The following NCKAP5 variants were observed in gnomAD, a reference collection of about 807,000 sequenced individuals.
NCKAP5 encodes nck-associated protein 5.
NCKAP5 carries 92 observed loss-of-function variants against 167.0 expected under a neutral mutation model. That is an observed-to-expected ratio of 0.55 (90% CI 0.47 to 0.66). NCKAP5 has a LOEUF of 0.66. NCKAP5 is among the 30% of genes least tolerant of loss of function. NCKAP5 has a pLI of 0.00. For synonymous variants in NCKAP5, 891 were observed against 877.4 expected (o/e 1.02, Z -0.27); for missense variants, 2,378 against 2,315.0 (o/e 1.03, Z -0.56).
intron 6 of NCKAP5, among the ~76,000 whole-genome samples, chr2:133,081,117 T>A (rs2080789630): frequency 6.6e-6 from 1 of 152,126 alleles, no homozygotes; most frequent in Non-Finnish European, 1.5e-5. Context: ...GTATCCATGA[T>A]CTGTGTATTT....
intron 6 of NCKAP5, among the ~76,000 whole-genome samples, chr2:133,032,912 C>T (rs1241014944): frequency 1.3e-5 from 2 of 152,088 alleles, no homozygotes; most frequent in Non-Finnish European, 2.9e-5. Context: ...AAGTGCTACA[C>T]GTTTTTAAAC....
chr2:132,862,436 G>C (rs1452480502), intron 10 of NCKAP5, among the ~76,000 whole-genome samples: 1 of 152,188 alleles, frequency 6.6e-6, no homozygotes, highest in African/African-American at 2.4e-5. Context: ...GTCATGTTCA[G>C]AATGACGTGC....
At chr2:132,974,895 G>A (rs1160225056) in intron 7 of NCKAP5, among the ~76,000 whole-genome samples, 8 of 152,212 alleles carry the variant, frequency 5.3e-5, no homozygotes, top group Admixed American at 4.6e-4. Context: ...CATAATAGGA[G>A]CTAAATGGAA....
intron 2 of NCKAP5, among the ~76,000 whole-genome samples, chr2:133,534,275 A>G (rs1401189935): frequency 2.0e-5 from 3 of 152,196 alleles, no homozygotes. Flanking sequence ...GATCAATATC[A>G]CAATTTTAAA....
At chr2:132,986,627 A>G (rs1429079414) in intron 7 of NCKAP5, among the ~76,000 whole-genome samples, 2 of 152,244 alleles carry the variant, frequency 1.3e-5, no homozygotes, top group Non-Finnish European at 2.9e-5. Flanking sequence ...TTTGGCAAAT[A>G]TACATTTTAT....
At chr2:133,487,229 A>G (rs1680988580) in intron 3 of NCKAP5, among the ~76,000 whole-genome samples, 4 of 152,194 alleles carry the variant, frequency 2.6e-5, no homozygotes, top group Admixed American at 2.0e-4. Context: ...TATAGACACA[A>G]TGGAGGGAAA....
chr2:133,612,044 A>C, the NCKAP5 span, among the ~76,000 whole-genome samples: 1 of 152,312 alleles, frequency 6.6e-6, no homozygotes, highest in East Asian at 1.9e-4. Context: ...CAAGTGAAAG[A>C]GTATAGTTGC....
intron 6 of NCKAP5, among the ~76,000 whole-genome samples, chr2:133,068,649 C>T (rs1464644581): frequency 6.6e-6 from 1 of 152,150 alleles, no homozygotes; most frequent in African/African-American, 2.4e-5. Context: ...GAAAATCATT[C>T]ACTGAGGCAT....
chr2:133,011,361 C>T (rs1207045998), intron 6 of NCKAP5, among the ~76,000 whole-genome samples: 2 of 152,222 alleles, frequency 1.3e-5, no homozygotes, highest in African/African-American at 2.4e-5. Context: ...TTCCAGTTAT[C>T]ACTGCCTCCC....
chr2:133,647,713 AAAGGAAGGAAGG>A, the NCKAP5 span, among the ~76,000 whole-genome samples: 8 of 85,712 alleles, frequency 9.3e-5, no homozygotes, highest in African/African-American at 1.9e-4. Context: ...AAAGAAAAAG[AAAGGAAGGAAGG>A]AAGGAAGGAA....
At chr2:133,315,354 C>T (rs62180009) in intron 3 of NCKAP5, among the ~76,000 whole-genome samples, 5 of 152,014 alleles carry the variant, frequency 3.3e-5, no homozygotes, top group Admixed American at 6.5e-5. Context: ...AAATAAAAAT[C>T]GAAGATAATA....
At chr2:133,065,201 G>C (rs1381181780) in intron 6 of NCKAP5, among the ~76,000 whole-genome samples, 1 of 152,010 alleles carries the variant, frequency 6.6e-6, no homozygotes, top group Non-Finnish European at 1.5e-5. Flanking sequence ...CTTTGAATAA[G>C]GAATACTTCC....
intron 4 of NCKAP5, among the ~76,000 whole-genome samples, chr2:133,278,089 C>G (rs894268653): frequency 3.9e-5 from 6 of 152,104 alleles, no homozygotes; most frequent in African/African-American, 1.2e-4. Flanking sequence ...GAATGGTTAC[C>G]TGACAATGAC....
At chr2:132,915,130 A>G (rs1030069085) in intron 8 of NCKAP5, among the ~76,000 whole-genome samples, 3 of 152,070 alleles carry the variant, frequency 2.0e-5, no homozygotes, top group Non-Finnish European at 2.9e-5. Flanking sequence ...CAGACATGTG[A>G]TGAACCTAAG....
chr2:132,878,748 A>C, intron 9 of NCKAP5, 100 bp downstream of exon 9: 4 of 868,752 alleles, frequency 4.6e-6, no homozygotes, highest in Non-Finnish European at 7.8e-6. Flanking sequence ...GAAAATGCTG[A>C]TGTTTTGTGG....
intron 3 of NCKAP5, among the ~76,000 whole-genome samples, chr2:133,426,131 G>T (rs968146224): frequency 1.5e-4 from 23 of 151,912 alleles, no homozygotes; most frequent in African/African-American, 2.4e-4. Flanking sequence ...TTAGCTGGAC[G>T]TGGTGGTGCG....
At chr2:133,456,916 G>A (rs755358892) in intron 3 of NCKAP5, among the ~76,000 whole-genome samples, 3 of 152,020 alleles carry the variant, frequency 2.0e-5, no homozygotes, top group South Asian at 2.1e-4. Flanking sequence ...CAGGACTGTC[G>A]GACACGTCAT....
intron 6 of NCKAP5, among the ~76,000 whole-genome samples, chr2:133,041,736 A>T (rs900582969): frequency 3.9e-5 from 6 of 152,156 alleles, no homozygotes; most frequent in Non-Finnish European, 7.4e-5. Flanking sequence ...TAAACATTTG[A>T]CCAATGTACT....
chr2:133,583,877 C>T, the NCKAP5 span, among the ~76,000 whole-genome samples: 10 of 152,108 alleles, frequency 6.6e-5, no homozygotes, highest in Non-Finnish European at 4.4e-5. Context: ...CCTCAGCCTC[C>T]CGAGTAGCTG....
Sources: allele counts gnomAD v4.1 joint callset (sites outside exome capture counted in the v4.1 genomes callset), GRCh38; gene constraint gnomAD v4.1.1; transcripts MANE v1.5; gene names NCBI Gene and HGNC (gene_info 2026-07-23, HGNC 2026-07-21).